Variants in PHYKPL observed in about 807,000 individuals in gnomAD.
The protein encoded by PHYKPL is 5-phosphonooxy-L-lysine phospho-lyase.
Under a neutral mutation model 51.3 loss-of-function variants are expected in PHYKPL, and 42 were observed. The ratio of observed to expected loss-of-function variants is 0.82; its 90% CI spans 0.64 to 1.06. The LOEUF (loss-of-function observed/expected upper bound fraction) is 1.06. Among genes scored for constraint, PHYKPL ranks in the 50% least tolerant of loss-of-function variants. PHYKPL has a pLI of 0.00. For synonymous variants in PHYKPL, 264 were observed against 236.0 expected (o/e 1.12, Z -1.09); for missense variants, 655 against 586.6 (o/e 1.12, Z -1.20).
intron 3 of PHYKPL, chr5:178,228,131 CA>C: frequency 1.0e-5 from 2 of 195,752 alleles, no homozygotes; most frequent in African/African-American, 2.4e-5. Flanking sequence ...TGTCTGGGCT[CA>C]AAAAAATTTG....
chr5:178,229,572 T>C (rs947635527), intron 3 of PHYKPL: 2 of 186,310 alleles, frequency 1.1e-5, no homozygotes, highest in South Asian at 2.2e-4. Flanking sequence ...GTACACTTCC[T>C]CCAGAGCCCT....
intron 3 of PHYKPL, among the ~76,000 whole-genome samples, chr5:178,228,963 A>G (rs952573243): frequency 2.0e-5 from 3 of 152,144 alleles, no homozygotes. Flanking sequence ...GCCTCCCAAC[A>G]GCTCACAGCC....
At chr5:178,207,553 C>T (rs1757125325), downstream of PHYKPL, among the ~76,000 whole-genome samples, 2 of 152,128 alleles carry the variant, frequency 1.3e-5, no homozygotes, top group South Asian at 4.1e-4. Context: ...GGTATGAAGC[C>T]TGCAGTTTAA....
intron 10 of PHYKPL, 42 bp from the exon 11 acceptor site, chr5:178,213,145 TC>T: frequency 6.2e-7 from 1 of 1,607,560 alleles, no homozygotes; most frequent in East Asian, 2.2e-5. Context: ...TTCAAGGCCT[TC>T]CTCAGCCTGG....
At chr5:178,212,786 T>G (rs1758860586) in intron 11 of PHYKPL, among the ~76,000 whole-genome samples, 187 bp downstream of exon 11, 1 of 152,234 alleles carries the variant, frequency 6.6e-6, no homozygotes. Flanking sequence ...GGAAGCTCTC[T>G]TAGGTACAGG....
At chr5:178,222,760 C>T (rs965766723) in intron 7 of PHYKPL, 92 bp downstream of exon 7, 21 of 1,462,536 alleles carry the variant, frequency 1.4e-5, no homozygotes, top group Non-Finnish European at 1.9e-5. Context: ...TTCTGGCAGT[C>T]AGGACAGGCT....
intron 1 of PHYKPL, 102 bp from the exon 2 acceptor site, chr5:178,231,625 G>A (rs766121641): frequency 6.8e-5 from 44 of 651,782 alleles, no homozygotes; most frequent in Non-Finnish European, 4.1e-5. Context: ...TTCTGGTGGC[G>A]GGGGGGAAAT....
chr5:178,214,750 T>A (rs778355001), intron 10 of PHYKPL, 46 bp downstream of exon 10: 1 of 1,552,840 alleles, frequency 6.4e-7, no homozygotes, highest in South Asian at 1.1e-5. Context: ...GAGGTACCTG[T>A]GGTGTCTCCT....
At chr5:178,212,397 G>C (rs1355833342) in intron 11 of PHYKPL, among the ~76,000 whole-genome samples, 1 of 152,254 alleles carries the variant, frequency 6.6e-6, no homozygotes, top group African/African-American at 2.4e-5. Flanking sequence ...AGATGCAACT[G>C]TGCCTATTTA....
Position 178,214,785 on chromosome 5 carries a change from G to GA in PHYKPL, c.1172+10dup. 6.2e-7 allele frequency: 1 copy of GA among 1,613,646 alleles called. No homozygotes were observed. Among genetic ancestry groups the GA allele is most frequent in the Non-Finnish European group, 8.5e-7 (1 of 1,179,758 alleles). ...TACTCCAGGAAGCAACTTGTTTCAA[G>GA]AAGAAAATACCTTGATACCAAGTAG... On this transcript the variant is annotated intron_variant, in intron 10 of 12. Coordinates refer to ENST00000308158, the MANE Select transcript of PHYKPL (RefSeq NM_153373.4).
At chr5:178,210,385 C>T in intron 12 of PHYKPL, 1 of 1,573,280 alleles carries the variant, frequency 6.4e-7, no homozygotes, top group Non-Finnish European at 8.6e-7. Flanking sequence ...CCTGGCTCAG[C>T]CATGGGAGCT....
rs1334421892 is a variant in PHYKPL at position 178,214,821 on chromosome 5, C to G, written c.1147G>C (p.Glu383Gln). 1.2e-6 allele frequency: 2 copies of G among 1,613,974 alleles called. No homozygotes were observed. The highest frequency in any genetic ancestry group is 1.7e-6 in the Non-Finnish European group (2 of 1,180,010). Residue 383 changes from glutamate (E) to glutamine (Q), a missense_variant, in exon 10 of 13, where the codon GAA (glutamate) becomes CAA (glutamine). Physicochemically the swap from Glu to Gln is conservative, Grantham distance 29 (BLOSUM62 2). Transcript: ENST00000308158. ...CTTGATACCAAGTAGGCAGCCTCTT[C>G]AGTTGCTGGTGTCCTTGTGGCCTCA... ...KDEATRTPAT[E>Q]EAAYLVSRLK...
At chr5:178,227,751 T>C (rs1252758128) in intron 3 of PHYKPL, among the ~76,000 whole-genome samples, 1 of 152,204 alleles carries the variant, frequency 6.6e-6, no homozygotes, top group Non-Finnish European at 1.5e-5. Flanking sequence ...AGGTGGCCTC[T>C]GGCTGTGTCT....
chr5:178,217,654 C>T (rs113805031), intron 8 of PHYKPL, among the ~76,000 whole-genome samples: 3 of 150,610 alleles, frequency 2.0e-5, no homozygotes, highest in South Asian at 2.1e-4. Flanking sequence ...GTCAGGAGAT[C>T]GAGACCATCC....
chr5:178,214,105 G>A (rs1418176520), intron 10 of PHYKPL, among the ~76,000 whole-genome samples: 1 of 152,142 alleles, frequency 6.6e-6, no homozygotes, highest in Non-Finnish European at 1.5e-5. Flanking sequence ...ACAGCACAGA[G>A]ATTTACATCA....
chr5:178,211,810 T>C, intron 12 of PHYKPL, 80 bp downstream of exon 12: 1 of 1,011,006 alleles, frequency 9.9e-7, no homozygotes, highest in East Asian at 2.4e-5. Flanking sequence ...AAAAAAAGGC[T>C]CAGCTTGCCG....
chr5:178,209,752 G>A (rs1757612296), intron 12 of PHYKPL, among the ~76,000 whole-genome samples: 5 of 152,122 alleles, frequency 3.3e-5, no homozygotes, highest in Admixed American at 3.3e-4. Context: ...CTGTGAGCAG[G>A]TAGGCAGAAG....
downstream of PHYKPL, chr5:178,207,205 C>A (rs1475941834): frequency 6.2e-7 from 1 of 1,614,168 alleles, no homozygotes; most frequent in Admixed American, 1.7e-5. Context: ...GAAAAAGTTC[C>A]ATACTGTCAG....
At chr5:178,215,135 T>C in intron 9 of PHYKPL, 141 bp downstream of exon 9, 1 of 1,378,404 alleles carries the variant, frequency 7.3e-7, no homozygotes, top group Non-Finnish European at 1.0e-6. Context: ...AGAGCCGTTT[T>C]GGGCAATAGC....
Sources: gnomAD v4.1 joint callset for allele counts (sites outside exome capture counted in the v4.1 genomes callset) on GRCh38, gnomAD v4.1.1 for gene constraint, MANE v1.5 for transcripts, NCBI Gene and HGNC (gene_info 2026-07-23, HGNC 2026-07-21) for gene names.